KALRN: variants seen among roughly 807,000 people sequenced by gnomAD.
KALRN encodes kalirin RhoGEF kinase.
In KALRN, 70 loss-of-function variants were observed where a neutral mutation model predicts 353.7. That is an observed-to-expected ratio of 0.20 (90% CI 0.16 to 0.24). The LOEUF is 0.24. KALRN is among the 10% of genes least tolerant of loss of function. The pLI is 1.00. For synonymous variants in KALRN, 1,391 were observed against 1,434.8 expected (o/e 0.97, Z 0.69); for missense variants, 2,791 against 3,756.7 (o/e 0.74, Z 6.72).
chr3:124,186,046 A>T (rs1357742274), intron 1 of KALRN, among the ~76,000 whole-genome samples: 1 of 152,170 alleles, frequency 6.6e-6, no homozygotes, highest in African/African-American at 2.4e-5. Flanking sequence ...GTGAGCTGGA[A>T]TCAGGTTACC....
intron 5 of KALRN, among the ~76,000 whole-genome samples, chr3:124,283,907 T>C (rs2075586751): frequency 1.3e-5 from 2 of 152,236 alleles, no homozygotes; most frequent in African/African-American, 4.8e-5. Flanking sequence ...CAGTTTATCT[T>C]GTCTGAACCC....
chr3:124,366,720 C>T lies in KALRN; in HGVS notation c.1771-18125C>T, dbSNP rs1216544557. Among the ~76,000 whole-genome samples the T allele has an allele frequency of 5.9e-5, 9 of 152,244 alleles. No homozygotes were observed. In the South Asian group the frequency reaches 8.3e-4, roughly 14 times the overall value. On this transcript the variant is annotated intron_variant, in intron 10 of 59. Coordinates refer to ENST00000682506, the MANE Select transcript of KALRN (RefSeq NM_001388419.1). ...GGCCCGTTCTCAATGAGCTGTTGGG[C>T]ACACCTCCCAGACGGGGTGGTGGCC...
intron 6 of KALRN, 63 bp from the exon 7 acceptor site, chr3:124,325,917 A>G (rs1560569849): frequency 7.7e-6 from 11 of 1,420,644 alleles, no homozygotes; most frequent in Non-Finnish European, 1.1e-5. Flanking sequence ...TATGTACCCC[A>G]CGAAAGTGCT....
rs371931765 is a variant in KALRN, at chr3:124,558,190, C to CA, written c.4936-4650dup. ...ATATACAGTTGATACAGTCTGTTAC[C>CA]AAACAACATGCCATCAAAATTGATG... On this transcript the variant is annotated intron_variant, in intron 33 of 59. Transcript: ENST00000682506. Among the ~76,000 whole-genome samples, 418 of 152,206 alleles carry CA rather than the reference C, an allele frequency of 2.7e-3. 2 individuals are homozygous for CA. The highest frequency in any genetic ancestry group is 9.3e-3 in the African/African-American group (386 of 41,540).
At chr3:124,623,058 A>G (rs74782819) in intron 34 of KALRN, among the ~76,000 whole-genome samples, 1 of 151,986 alleles carries the variant, frequency 6.6e-6, no homozygotes, top group Non-Finnish European at 1.5e-5. Context: ...ATGTCTATAC[A>G]GGTTTCTTTC....
intron 1 of KALRN, among the ~76,000 whole-genome samples, chr3:124,055,853 A>AT (rs5852381): frequency 0.085 from 12,901 of 152,192 alleles, 576 homozygotes; most frequent in Middle Eastern, 0.13. Context: ...AGTGGGTGCC[A>AT]TTTTTTTCCC....
chr3:124,224,151 A>AT (rs1347940626), intron 1 of KALRN, among the ~76,000 whole-genome samples: 2 of 135,522 alleles, frequency 1.5e-5, no homozygotes, highest in Admixed American at 7.6e-5. Context: ...GCCATCCCTG[A>AT]TTTTGTTTTT....
chr3:124,596,208 G>T (rs55734135), intron 34 of KALRN, among the ~76,000 whole-genome samples: 1 of 150,064 alleles, frequency 6.7e-6, no homozygotes, highest in African/African-American at 2.4e-5. Context: ...AAAGGACCAG[G>T]TGCAGTAGCT....
intron 51 of KALRN, among the ~76,000 whole-genome samples, chr3:124,682,952 GGCCAAGTCTCCTGCA>G (rs1260791148): frequency 6.6e-6 from 1 of 152,038 alleles, no homozygotes; most frequent in Non-Finnish European, 1.5e-5. Flanking sequence ...ATCCCCTCGT[GGCCAAGTCTCCTGCA>G]GCCAAGTCTC....
At chr3:124,526,410 C>CA in intron 33 of KALRN, among the ~76,000 whole-genome samples, 1 of 151,826 alleles carries the variant, frequency 6.6e-6, no homozygotes, top group South Asian at 2.1e-4. Flanking sequence ...CTATCTCTAC[C>CA]AAAAAAGATA....
intron 1 of KALRN, among the ~76,000 whole-genome samples, chr3:124,057,889 A>G (rs1038891810): frequency 1.3e-5 from 2 of 152,178 alleles, no homozygotes; most frequent in African/African-American, 4.8e-5. Context: ...GAGACTGGGC[A>G]ACTGTATTAG....
chr3:124,417,145 C>G (rs963446624), intron 14 of KALRN, among the ~76,000 whole-genome samples: 3 of 152,188 alleles, frequency 2.0e-5, no homozygotes, highest in African/African-American at 7.2e-5. Flanking sequence ...CTATTTGAGC[C>G]TCAAGTTGGG....
intron 1 of KALRN, among the ~76,000 whole-genome samples, chr3:124,183,722 G>A (rs975288414): frequency 6.6e-6 from 1 of 152,180 alleles, no homozygotes; most frequent in African/African-American, 2.4e-5. Flanking sequence ...AGCCTCCAGA[G>A]CAACCAAATA....
intron 11 of KALRN, among the ~76,000 whole-genome samples, chr3:124,392,478 G>A (rs1163379916): frequency 6.6e-6 from 1 of 150,674 alleles, no homozygotes; most frequent in Non-Finnish European, 1.5e-5. Flanking sequence ...GGTGCAGAGA[G>A]AATAAGTAAC....
chr3:124,712,866 C>A, intron 57 of KALRN, 69 bp from the exon 58 acceptor site: 1 of 1,132,600 alleles, frequency 8.8e-7, no homozygotes, highest in Non-Finnish European at 1.3e-6. Flanking sequence ...CAAAACTTTA[C>A]TTATCCATGA....
At chr3:124,131,373 A>G (rs1416504324) in intron 1 of KALRN, among the ~76,000 whole-genome samples, 1 of 152,190 alleles carries the variant, frequency 6.6e-6, no homozygotes, top group Non-Finnish European at 1.5e-5. Context: ...CAAGGAGTAT[A>G]TGAAATAGAC....
chr3:124,152,198 G>T, intron 1 of KALRN: 2 of 1,577,406 alleles, frequency 1.3e-6, no homozygotes, highest in Non-Finnish European at 1.7e-6. Context: ...AAAGCAATTC[G>T]CTTCTTATTG....
At chr3:124,369,808 T>C (rs2149785149) in intron 10 of KALRN, among the ~76,000 whole-genome samples, 1 of 130,480 alleles carries the variant, frequency 7.7e-6, no homozygotes, top group South Asian at 2.6e-4. Flanking sequence ...ACCACCTTAC[T>C]CTCTGCTTCT....
At chr3:124,091,529 G>C (rs2061117804) in intron 1 of KALRN, among the ~76,000 whole-genome samples, 1 of 152,130 alleles carries the variant, frequency 6.6e-6, no homozygotes, top group African/African-American at 2.4e-5. Flanking sequence ...AGTTGGGGTG[G>C]GTGAAGAGAG....
Sources: allele counts gnomAD v4.1 joint callset (sites outside exome capture counted in the v4.1 genomes callset), GRCh38; gene constraint gnomAD v4.1.1; transcripts MANE v1.5; gene names NCBI Gene and HGNC (gene_info 2026-07-23, HGNC 2026-07-21).